The following DSCAML1 variants were observed in gnomAD, a reference collection of about 807,000 sequenced individuals.
The protein encoded by DSCAML1 is cell adhesion molecule DSCAML1.
DSCAML1 carries 38 observed loss-of-function variants against 200.5 expected under a neutral mutation model. The ratio of observed to expected loss-of-function variants is 0.19; its 90% CI spans 0.15 to 0.25. DSCAML1 has a LOEUF of 0.25. Ranked by LOEUF, DSCAML1 falls within the 10% of genes least tolerant of loss-of-function variation. The pLI is 1.00. For synonymous variants in DSCAML1, 1,215 were observed against 1,165.0 expected (o/e 1.04, Z -0.87); for missense variants, 2,223 against 2,858.8 (o/e 0.78, Z 5.07).
intron 3 of DSCAML1, among the ~76,000 whole-genome samples, chr11:117,576,249 C>T (rs987040768): frequency 6.6e-6 from 1 of 152,138 alleles, no homozygotes; most frequent in African/African-American, 2.4e-5. Context: ...GGGTCTCATT[C>T]TGGGTTTCAC....
Position 117,437,221 on chromosome 11 carries a change from G to C in DSCAML1, c.4621C>G (p.Leu1541Val). The C allele has an allele frequency of 6.2e-7, 1 of 1,614,198 alleles. No homozygotes were observed. Among genetic ancestry groups the C allele is most frequent in the Non-Finnish European group, 8.5e-7 (1 of 1,180,052 alleles). ...AGCTCGTACCACGTGGCCTCTCGCA[G>C]TTCCGTCAGAAACACCTCCCCGGAG... ...NSSGEVFLTE[L>V]REATWYELRM... The change falls in exon 26 of 33, where the codon CTG becomes GTG. Residue 1541 changes from leucine (L) to valine (V), a missense_variant. Transcript: ENST00000651296. This position sits in a 1 kb window ranked among gnomAD's most constrained non-coding sequence, Gnocchi z 5.3.
intron 3 of DSCAML1, among the ~76,000 whole-genome samples, chr11:117,534,560 T>G (rs1410707432): frequency 6.6e-6 from 1 of 152,216 alleles, no homozygotes; most frequent in East Asian, 1.9e-4. Context: ...GGAAGGCAGC[T>G]GTGATGCCCT....
At chr11:117,729,311 A>G (rs2054181149) in intron 3 of DSCAML1, among the ~76,000 whole-genome samples, 2 of 152,218 alleles carry the variant, frequency 1.3e-5, no homozygotes, top group Admixed American at 1.3e-4. Context: ...CTAAAAATAT[A>G]AAACTGTTAG....
intron 3 of DSCAML1, among the ~76,000 whole-genome samples, chr11:117,608,218 C>A (rs1287218061): frequency 6.6e-6 from 1 of 152,196 alleles, no homozygotes; most frequent in Admixed American, 6.5e-5. Context: ...CAGAATAGAA[C>A]AATTGCACAA....
rs1050668819 is a variant in DSCAML1 at position 117,489,539 on chromosome 11, T to A, written c.2360-7377A>T. Among the ~76,000 whole-genome samples, 1 of 152,164 alleles carries A rather than the reference T, an allele frequency of 6.6e-6. No individual in the cohort carries two copies. Among genetic ancestry groups the A allele is most frequent in the African/African-American group, 2.4e-5 (1 of 41,442 alleles). On this transcript the variant is annotated intron_variant, in intron 11 of 32. Coordinates refer to ENST00000651296, the MANE Select transcript of DSCAML1 (RefSeq NM_020693.4). The surrounding 1 kb of genome is among the most constrained non-coding windows in gnomAD (Gnocchi z 4.8). ...GTGGTGTGGGTGAGCTCCTTCTCAATACACAGCTCCTTCCTATACAGCAGC... is the reference window on the plus strand; with the variant it reads ...GTGGTGTGGGTGAGCTCCTTCTCAAAACACAGCTCCTTCCTATACAGCAGC...
intron 3 of DSCAML1, among the ~76,000 whole-genome samples, chr11:117,593,634 C>T (rs1309506303): frequency 1.3e-5 from 2 of 152,052 alleles, no homozygotes; most frequent in African/African-American, 4.8e-5. Context: ...GGAACAGAGC[C>T]GCCTGTTTCT....
intron 3 of DSCAML1, among the ~76,000 whole-genome samples, chr11:117,758,231 C>A (rs1398290118): frequency 6.7e-6 from 1 of 149,994 alleles, no homozygotes; most frequent in Non-Finnish European, 1.5e-5. Context: ...ACGTGGGAGG[C>A]GGAGGCTGTG....
intron 6 of DSCAML1, among the ~76,000 whole-genome samples, chr11:117,520,806 C>T (rs541672178): frequency 2.4e-4 from 35 of 144,894 alleles, no homozygotes; most frequent in African/African-American, 7.8e-4. Context: ...GGTCCCTGCC[C>T]GTAGTCACAG....
At chr11:117,758,808 G>T (rs896845702) in intron 3 of DSCAML1, among the ~76,000 whole-genome samples, 4 of 152,112 alleles carry the variant, frequency 2.6e-5, no homozygotes, top group Non-Finnish European at 5.9e-5. Flanking sequence ...TCCAGAAAAG[G>T]TATGCTGGGG....
intron 3 of DSCAML1, among the ~76,000 whole-genome samples, chr11:117,683,895 G>C (rs1482978861): frequency 6.6e-6 from 1 of 151,988 alleles, no homozygotes; most frequent in Non-Finnish European, 1.5e-5. Context: ...CCCCACCCAG[G>C]GTCCCAATAC....
chr11:117,437,357 A>G lies in DSCAML1; in HGVS notation c.4485T>C (p.His1495=), dbSNP rs756135754. ...TCCAGCCCTGCAGGTTAAGCCGAGC[A>G]TGCGTGGAGTTGATGTGGGTGAAGA... ...QHLFTHINST[H]ARLNLQGWNN... The change falls in exon 26 of 33, where the codon CAT becomes CAC. Residue 1495 remains histidine (H), a synonymous_variant. Transcript: ENST00000651296. This position sits in a 1 kb window ranked among gnomAD's most constrained non-coding sequence, Gnocchi z 5.3. 42 of 1,614,100 alleles carry G rather than the reference A, an allele frequency of 2.6e-5. No homozygotes were observed. Among genetic ancestry groups the G allele is most frequent in the Non-Finnish European group, 3.1e-5 (37 of 1,180,044 alleles).
Position 117,428,740 on chromosome 11 carries a change from C to T in DSCAML1, c.5750G>A (p.Arg1917His), listed in dbSNP as rs139063739. Residue 1917 changes from arginine to histidine, a missense_variant, in exon 33 of 33, where the codon CGT (arginine) becomes CAT (histidine). Physicochemically the swap from Arg to His is conservative, Grantham distance 29 (BLOSUM62 0). Transcript: ENST00000651296. ...GGGTGGGACCACGGGGCAGGGCTCA[C>T]GTCCATCTGCCTTTCGAAAGAAGGC... ...SEAFFRKADG[R>H]EPCPVVPPRE... The T allele has an allele frequency of 1.4e-5, 23 of 1,612,694 alleles. No homozygotes were observed. The highest frequency in any genetic ancestry group is 1.9e-5 in the Non-Finnish European group (22 of 1,179,658).
At chr11:117,579,287 T>A (rs1273326150) in intron 3 of DSCAML1, among the ~76,000 whole-genome samples, 2 of 152,234 alleles carry the variant, frequency 1.3e-5, no homozygotes, top group Non-Finnish European at 2.9e-5. Flanking sequence ...AAATTCAAAC[T>A]CTTTACGGTG....
At chr11:117,674,067 G>A (rs1295777757) in intron 3 of DSCAML1, among the ~76,000 whole-genome samples, 1 of 152,174 alleles carries the variant, frequency 6.6e-6, no homozygotes, top group East Asian at 1.9e-4. Flanking sequence ...GCATGCCTTC[G>A]GTAGATTCTC....
chr11:117,771,998 C>T (rs995383907), intron 3 of DSCAML1, among the ~76,000 whole-genome samples: 4 of 151,972 alleles, frequency 2.6e-5, no homozygotes, highest in African/African-American at 9.7e-5. Context: ...CGGACTAGGA[C>T]GCAAGACAGA....
chr11:117,560,679 C>G (rs1272763658), intron 3 of DSCAML1, among the ~76,000 whole-genome samples: 1 of 152,138 alleles, frequency 6.6e-6, no homozygotes, highest in Non-Finnish European at 1.5e-5. Flanking sequence ...GTGCAAGTTT[C>G]CTGAGTCCCT....
At chr11:117,671,741 T>C (rs994674329) in intron 3 of DSCAML1, among the ~76,000 whole-genome samples, 3 of 152,126 alleles carry the variant, frequency 2.0e-5, no homozygotes, top group African/African-American at 7.2e-5. Flanking sequence ...AGAAACCGCA[T>C]GGCCACAGTA....
At chr11:117,510,359 CTCCTCA>C (rs1298067722) in intron 8 of DSCAML1, among the ~76,000 whole-genome samples, 1 of 152,192 alleles carries the variant, frequency 6.6e-6, no homozygotes, top group Non-Finnish European at 1.5e-5. Flanking sequence ...GGCAAGGCAC[CTCCTCA>C]TCACCATCCA....
intron 1 of DSCAML1, among the ~76,000 whole-genome samples, chr11:117,812,712 G>T (rs1173909603): frequency 6.7e-6 from 1 of 149,088 alleles, no homozygotes. Context: ...CATAATTCTC[G>T]TAAAAACACA....
Sources: gnomAD v4.1 joint callset for allele counts (sites outside exome capture counted in the v4.1 genomes callset) on GRCh38, gnomAD v4.1.1 for gene constraint, Gnocchi (gnomAD v3.1) non-coding constraint, MANE v1.5 for transcripts, NCBI Gene and HGNC (gene_info 2026-07-23, HGNC 2026-07-21) for gene names.